The following PRICKLE1 variants were observed in gnomAD, a reference collection of about 807,000 sequenced individuals.
PRICKLE1 encodes the protein prickle-like protein 1.
PRICKLE1 carries 14 observed loss-of-function variants against 70.2 expected under a neutral mutation model. The observed-to-expected ratio is 0.20, with a 90% CI of 0.13 to 0.31. The LOEUF (loss-of-function observed/expected upper bound fraction) is 0.31, where lower values mean the gene tolerates loss of function less well. Among genes scored for constraint, PRICKLE1 ranks in the 10% least tolerant of loss-of-function variants. The probability of loss-of-function intolerance (pLI) is 1.00; values close to 1 mark genes in which losing one functional copy is unlikely to be tolerated. For missense variants in PRICKLE1, 821 were observed against 1,026.2 expected (o/e 0.80, Z 2.73); for synonymous variants, 357 against 379.9 (o/e 0.94, Z 0.70).
intron 1 of PRICKLE1, among the ~76,000 whole-genome samples, chr12:42,562,956 G>A (rs1264563256): frequency 1.3e-5 from 2 of 152,240 alleles, no homozygotes; most frequent in African/African-American, 2.4e-5. Flanking sequence ...TTGGGAGGCC[G>A]AGGCGGGCCT....
At chr12:42,570,775 G>A (rs1940697491) in intron 1 of PRICKLE1, among the ~76,000 whole-genome samples, 1 of 152,108 alleles carries the variant, frequency 6.6e-6, no homozygotes, top group Non-Finnish European at 1.5e-5. Context: ...AGCCGAGATT[G>A]TACCACTGCA....
intron 1 of PRICKLE1, among the ~76,000 whole-genome samples, chr12:42,583,039 G>A (rs980492056): frequency 6.6e-6 from 1 of 152,042 alleles, no homozygotes. Flanking sequence ...TGTTTCTTCC[G>A]AAAATTGCCA....
rs1938024539 is a variant in PRICKLE1 at position 42,464,840 on chromosome 12, C to A, written c.1194G>T (p.Glu398Asp). The change falls in exon 7 of 8, where the codon GAG (glutamate) becomes GAT (aspartate). Residue 398 changes from glutamate (E) to aspartate (D), a missense_variant. Glu to Asp is a conservative substitution (Grantham distance 45). Coordinates refer to ENST00000345127, the MANE Select transcript of PRICKLE1 (RefSeq NM_153026.3). The surrounding 1 kb of genome is among the most constrained non-coding windows in gnomAD (Gnocchi z 4.2). ...CTTCAGGGTCTTCTGGAGTTTCCTG[C>A]TCTACTCTGCCTTTCCAAAATTCTT... ...ASEEFWKGRV[E>D]QETPEDPEEW... is the part of the protein sequence containing the mutation. 3.1e-6 allele frequency: 5 copies of A among 1,613,998 alleles called. No individual in the cohort carries two copies. The African/African-American group carries it at 5.3e-5, about 17-fold the overall frequency.
chr12:42,555,772 C>T (rs561329254), intron 1 of PRICKLE1, among the ~76,000 whole-genome samples: 5 of 152,148 alleles, frequency 3.3e-5, no homozygotes, highest in African/African-American at 7.2e-5. Context: ...AAAAGCATCC[C>T]CCTAGAATCC....
intron 5 of PRICKLE1, among the ~76,000 whole-genome samples, chr12:42,466,998 T>C (rs1030468572): frequency 2.6e-5 from 4 of 152,224 alleles, no homozygotes; most frequent in African/African-American, 9.6e-5. Flanking sequence ...CACCTCTGCC[T>C]TCTGAGTAGC....
At chr12:42,543,945 G>GA (rs1472913800) in intron 1 of PRICKLE1, among the ~76,000 whole-genome samples, 1 of 152,266 alleles carries the variant, frequency 6.6e-6, no homozygotes, top group South Asian at 2.1e-4. Flanking sequence ...GTAAGCTAGA[G>GA]AAAAAATGTT....
intron 1 of PRICKLE1, among the ~76,000 whole-genome samples, chr12:42,478,957 G>T (rs1223602196): frequency 6.6e-6 from 1 of 152,134 alleles, no homozygotes; most frequent in African/African-American, 2.4e-5. Flanking sequence ...TATACTTAGG[G>T]AATGGAATCT....
intron 1 of PRICKLE1, chr12:42,482,930 C>A (rs941898498): frequency 6.6e-6 from 1 of 152,164 alleles, no homozygotes; most frequent in Non-Finnish European, 1.5e-5. Flanking sequence ...GCAAACTCTG[C>A]GCTCCAGGCG....
intron 1 of PRICKLE1, among the ~76,000 whole-genome samples, chr12:42,481,722 C>T (rs978856690): frequency 2.0e-5 from 3 of 152,224 alleles, no homozygotes; most frequent in African/African-American, 7.2e-5. Context: ...ACATGTCACA[C>T]ATCCATTCTT....
chr12:42,470,403 G>A, intron 2 of PRICKLE1, 44 bp from the exon 3 acceptor site: 1 of 1,250,384 alleles, frequency 8.0e-7, no homozygotes, highest in East Asian at 2.3e-5. Flanking sequence ...ACAGAACTGA[G>A]CATCTCAGCT....
chr12:42,509,967 G>A (rs1939483089), intron 1 of PRICKLE1, among the ~76,000 whole-genome samples: 1 of 151,830 alleles, frequency 6.6e-6, no homozygotes, highest in African/African-American at 2.4e-5. Flanking sequence ...TAGCTACTCA[G>A]GAGGCTGATG....
At chr12:42,568,441 T>C (rs1031960999) in intron 1 of PRICKLE1, among the ~76,000 whole-genome samples, 3 of 152,196 alleles carry the variant, frequency 2.0e-5, no homozygotes, top group Non-Finnish European at 4.4e-5. Context: ...TCCCAAAGTA[T>C]TGGGAGTATG....
rs372463802 is a variant in PRICKLE1 at position 42,565,750 on chromosome 12, C to G, written c.-49+23715G>C. Among the ~76,000 whole-genome samples the G allele has an allele frequency of 2.0e-5, 3 of 152,268 alleles. 1 individual carries two copies. The highest frequency in any genetic ancestry group is 7.2e-5 in the African/African-American group (3 of 41,540). ...CCTTCTTTTTCTCTTTTTAAACCAG[C>G]CCCGACCTCAGTCAGGATCCCAGAG... On this transcript the variant is annotated intron_variant, in intron 1 of 7. Coordinates refer to ENST00000345127, the MANE Select transcript of PRICKLE1 (RefSeq NM_153026.3).
chr12:42,476,257 A>T (rs1938527002), intron 1 of PRICKLE1, among the ~76,000 whole-genome samples: 1 of 150,584 alleles, frequency 6.6e-6, no homozygotes, highest in Non-Finnish European at 1.5e-5. Context: ...ATCTTGGCTC[A>T]CCGCAACCTC....
chr12:42,539,975 G>A (rs1039503599), intron 1 of PRICKLE1, among the ~76,000 whole-genome samples: 2 of 152,190 alleles, frequency 1.3e-5, no homozygotes, highest in African/African-American at 2.4e-5. Context: ...ATTCTAGGCG[G>A]TGTGAGAAGA....
At chr12:42,548,948 C>T (rs941198187) in intron 1 of PRICKLE1, among the ~76,000 whole-genome samples, 1 of 140,818 alleles carries the variant, frequency 7.1e-6, no homozygotes, top group Admixed American at 7.5e-5. Flanking sequence ...TGGTGAAACC[C>T]TGTCTCTACT....
At chr12:42,545,856 GAAA>G (rs71281675) in intron 1 of PRICKLE1, among the ~76,000 whole-genome samples, 1 of 94,674 alleles carries the variant, frequency 1.1e-5, no homozygotes, top group Non-Finnish European at 2.2e-5. Flanking sequence ...TCTCAAAAAA[GAAA>G]AAAAAAAAAT....
At chr12:42,571,847 G>T (rs1940720424) in intron 1 of PRICKLE1, among the ~76,000 whole-genome samples, 2 of 152,154 alleles carry the variant, frequency 1.3e-5, no homozygotes, top group South Asian at 4.1e-4. Context: ...AGTCTTGAAG[G>T]ACAAAGACTG....
chr12:42,471,008 C>T (rs1412123209), intron 2 of PRICKLE1, among the ~76,000 whole-genome samples: 2 of 152,102 alleles, frequency 1.3e-5, no homozygotes, highest in Admixed American at 6.5e-5. Flanking sequence ...AATTACTACA[C>T]AGACTGTGTG....
Sources: gnomAD v4.1 joint callset for allele counts (sites outside exome capture counted in the v4.1 genomes callset) on GRCh38, gnomAD v4.1.1 for gene constraint, Gnocchi (gnomAD v3.1) non-coding constraint, MANE v1.5 for transcripts, NCBI Gene and HGNC (gene_info 2026-07-23, HGNC 2026-07-21) for gene names.